The following LRCH3 variants were observed in gnomAD, a reference collection of about 807,000 sequenced individuals.
The protein encoded by LRCH3 is leucine rich repeats and calponin homology domain containing 3.
LRCH3 carries 68 observed loss-of-function variants against 104.5 expected under a neutral mutation model. The ratio of observed to expected loss-of-function variants is 0.65; its 90% CI spans 0.54 to 0.80. The LOEUF is 0.80. Among genes scored for constraint, LRCH3 ranks in the 30% least tolerant of loss-of-function variants. The pLI is 0.00. For synonymous variants in LRCH3, 344 were observed against 361.3 expected, an observed-to-expected ratio of 0.95 and a Z score of 0.54; for missense variants, 951 against 953.9, an observed-to-expected ratio of 1.00 and a Z score of 0.04.
chr3:197,887,553 C>A lies in LRCH3; in HGVS notation c.*3887C>A, dbSNP rs1307430249. The A allele has an allele frequency of 8.1e-6, 1 of 123,086 alleles. No individual in the cohort carries two copies. Among genetic ancestry groups the A allele is most frequent in the African/African-American group, 3.5e-5 (1 of 28,308 alleles). The allele number at this position is 123,086 out of a possible 1,614,324, so 7.6% of individuals were successfully genotyped here. ...ACAGTGTTGGCGGCTGAGAGCCCCC[C>A]AGCAGAGCCCTTCCCATCACTGACA... On this transcript the variant is annotated 3_prime_UTR_variant, in exon 21 of 21. Coordinates refer to ENST00000425562, the MANE Select transcript of LRCH3 (RefSeq NM_001365715.1).
At chr3:197,859,349 G>A (rs1468471244) in intron 15 of LRCH3, 2 of 173,344 alleles carry the variant, frequency 1.2e-5, no homozygotes, top group African/African-American at 4.8e-5. Flanking sequence ...TTTTTACATA[G>A]CCAGTCCCTT....
chr3:197,851,012 C>G (rs1165651308), intron 12 of LRCH3: 2 of 769,768 alleles, frequency 2.6e-6, no homozygotes, highest in Admixed American at 3.4e-5. Context: ...TTTTTATGAA[C>G]AAGGAAACAC....
chr3:197,843,816 C>T lies in LRCH3; in HGVS notation c.1329-3593C>T, dbSNP rs181100697. Reference sequence around the variant, plus strand: ...TATGTCTCAATATTCCACACTTTTTCGGGAGAGGGTGCTACTGTCATTCAT... The same window carrying T: ...TATGTCTCAATATTCCACACTTTTTTGGGAGAGGGTGCTACTGTCATTCAT... On this transcript the variant is annotated intron_variant, in intron 10 of 20. Transcript: ENST00000425562. Among the ~76,000 whole-genome samples the T allele has an allele frequency of 1.9e-3, 289 of 152,176 alleles. 5 individuals carry two copies. The East Asian group carries it at 0.048, about 25-fold the overall frequency.
At position 197,886,277 on chromosome 3, in the gene LRCH3, T is replaced by G. The variant is rs993687274; in HGVS notation, c.*2611T>G. The G allele has an allele frequency of 2.0e-5, 3 of 151,892 alleles. No individual in the cohort carries two copies. Among genetic ancestry groups the G allele is most frequent in the African/African-American group, 7.3e-5 (3 of 41,312 alleles). 9.4% of individuals were successfully genotyped at this position (151,892 alleles called of 1,614,324 possible). A position where few individuals can be genotyped will look rare whatever the true frequency, so the allele number is the denominator to read the frequency against. ...GGAGGATCACTTGAGCCTGGGAGGT[T>G]GAGGCTACAGTGAGCCATGGCTGCA... is the stretch of plus-strand genomic sequence containing the variant. On this transcript the variant is annotated 3_prime_UTR_variant, in exon 21 of 21. Coordinates refer to ENST00000425562, the MANE Select transcript of LRCH3 (RefSeq NM_001365715.1).
chr3:197,809,582 CTTT>C (rs1008983445), intron 1 of LRCH3, among the ~76,000 whole-genome samples: 1 of 146,502 alleles, frequency 6.8e-6, no homozygotes, highest in African/African-American at 2.5e-5. Flanking sequence ...TCTGTTCAGT[CTTT>C]TTTTTTTTTT....
At chr3:197,879,809 T>A (rs1382377383) in intron 20 of LRCH3, among the ~76,000 whole-genome samples, 1 of 151,914 alleles carries the variant, frequency 6.6e-6, no homozygotes, top group Non-Finnish European at 1.5e-5. Flanking sequence ...CTCTGCAGTT[T>A]TCGTCCTTGC....
At chr3:197,825,529 G>C (rs1206508316) in intron 4 of LRCH3, among the ~76,000 whole-genome samples, 2 of 117,926 alleles carry the variant, frequency 1.7e-5, no homozygotes, top group Non-Finnish European at 3.3e-5. Flanking sequence ...TCCCAGGCTG[G>C]AGTGCAGTGG....
At chr3:197,800,212 C>A (rs976771642) in intron 1 of LRCH3, among the ~76,000 whole-genome samples, 31 of 151,150 alleles carry the variant, frequency 2.1e-4, no homozygotes, top group Non-Finnish European at 2.5e-4. Context: ...AAAAAAAAAA[C>A]CCCACAGTTT....
chr3:197,848,792 A>C (rs565690056), intron 12 of LRCH3, among the ~76,000 whole-genome samples: 1 of 152,342 alleles, frequency 6.6e-6, no homozygotes, highest in East Asian at 1.9e-4. Context: ...CCTGTATTTC[A>C]TACTTTAACT....
At chr3:197,824,544 A>C (rs1580661314) in intron 4 of LRCH3, among the ~76,000 whole-genome samples, 1 of 146,308 alleles carries the variant, frequency 6.8e-6, no homozygotes, top group South Asian at 2.2e-4. Flanking sequence ...TCTGATGTGG[A>C]CTGGCTGTTC....
intron 12 of LRCH3, 83 bp downstream of exon 12, chr3:197,848,104 C>A: frequency 1.4e-6 from 2 of 1,410,290 alleles, no homozygotes; most frequent in Non-Finnish European, 1.9e-6. Context: ...TTTTTATTGT[C>A]CATTAAAATG....
At chr3:197,834,103 C>T (rs539069475) in intron 8 of LRCH3, among the ~76,000 whole-genome samples, 38 of 152,248 alleles carry the variant, frequency 2.5e-4, no homozygotes, top group African/African-American at 8.9e-4. Context: ...CCAGCAACTG[C>T]GATTTTTAGG....
chr3:197,863,410 A>G (rs1741108237), intron 15 of LRCH3, among the ~76,000 whole-genome samples: 3 of 152,142 alleles, frequency 2.0e-5, no homozygotes, highest in African/African-American at 7.2e-5. Context: ...TACAGGCGCC[A>G]CCACCATGCC....
chr3:197,880,975 G>T, intron 20 of LRCH3: 1 of 1,333,058 alleles, frequency 7.5e-7, no homozygotes, highest in Non-Finnish European at 9.6e-7. Context: ...CTGTGGCCTT[G>T]TTTCTCTTAC....
intron 1 of LRCH3, among the ~76,000 whole-genome samples, chr3:197,802,766 G>A (rs1282931753): frequency 6.6e-6 from 1 of 152,286 alleles, no homozygotes; most frequent in East Asian, 1.9e-4. Context: ...TATCCAGTTT[G>A]TTGGCGTATA....
chr3:197,868,577 T>C (rs1350204959), intron 17 of LRCH3, among the ~76,000 whole-genome samples: 1 of 152,220 alleles, frequency 6.6e-6, no homozygotes, highest in African/African-American at 2.4e-5. Flanking sequence ...TTATTCATAA[T>C]AGCCTGAAAC....
intron 13 of LRCH3, 33 bp downstream of exon 13, chr3:197,852,653 T>C: frequency 6.3e-7 from 1 of 1,592,814 alleles, no homozygotes; most frequent in Non-Finnish European, 8.6e-7. Context: ...TCTTTGGAGT[T>C]GATTATTTTT....
chr3:197,823,861 A>G (rs1433897190), intron 4 of LRCH3, among the ~76,000 whole-genome samples: 2 of 152,042 alleles, frequency 1.3e-5, no homozygotes, highest in Non-Finnish European at 2.9e-5. Context: ...TCAGCTTCCT[A>G]TTGTGATGAT....
chr3:197,843,763 A>G (rs1341747166), intron 10 of LRCH3, among the ~76,000 whole-genome samples: 2 of 152,232 alleles, frequency 1.3e-5, no homozygotes, highest in Non-Finnish European at 2.9e-5. Context: ...AAGGAGATAC[A>G]TACATGTTAC....
Sources: gnomAD v4.1 joint callset for allele counts (sites outside exome capture counted in the v4.1 genomes callset) on GRCh38, gnomAD v4.1.1 for gene constraint, MANE v1.5 for transcripts, NCBI Gene and HGNC (gene_info 2026-07-23, HGNC 2026-07-21) for gene names.